Variants in CHST11 observed in about 807,000 individuals in gnomAD.
CHST11 encodes C4S-1.
CHST11 carries 9 observed loss-of-function variants against 30.4 expected under a neutral mutation model. The observed-to-expected ratio is 0.30, with a 90% CI of 0.18 to 0.52. The LOEUF (loss-of-function observed/expected upper bound fraction) is 0.52. CHST11 is among the 20% of genes least tolerant of loss of function. The pLI, the probability that CHST11 is intolerant of heterozygous loss-of-function variation, is 0.97. For synonymous variants in CHST11, 152 were observed against 187.8 expected, an observed-to-expected ratio of 0.81 and a Z score of 1.56; for missense variants, 348 against 460.6, an observed-to-expected ratio of 0.76 and a Z score of 2.24.
At chr12:104,623,910 C>T (rs1395836822) in intron 2 of CHST11, among the ~76,000 whole-genome samples, 1 of 152,112 alleles carries the variant, frequency 6.6e-6, no homozygotes, top group African/African-American at 2.4e-5. Flanking sequence ...GTTTCTCTAG[C>T]CACGAAGCCT....
chr12:104,537,509 C>G (rs2038248122), intron 1 of CHST11, among the ~76,000 whole-genome samples: 1 of 152,186 alleles, frequency 6.6e-6, no homozygotes, highest in Non-Finnish European at 1.5e-5. Flanking sequence ...TTCACCAACC[C>G]ACACCACTCA....
intron 1 of CHST11, among the ~76,000 whole-genome samples, chr12:104,504,551 G>T (rs971088255): frequency 6.6e-6 from 1 of 152,198 alleles, no homozygotes; most frequent in African/African-American, 2.4e-5. Context: ...TAGGGAGGAG[G>T]CCTGGGGCAC....
chr12:104,563,368 A>C (rs1428347183), intron 1 of CHST11, among the ~76,000 whole-genome samples: 1 of 152,168 alleles, frequency 6.6e-6, no homozygotes, highest in Non-Finnish European at 1.5e-5. Context: ...TGCTGTGCTT[A>C]GACCGTGTCC....
chr12:104,665,979 C>G (rs1264009356), intron 2 of CHST11, among the ~76,000 whole-genome samples: 1 of 151,830 alleles, frequency 6.6e-6, no homozygotes, highest in Non-Finnish European at 1.5e-5. Context: ...GTCACCATGC[C>G]CAGCTAATGT....
At chr12:104,737,069 A>C (rs1018881116) in intron 2 of CHST11, among the ~76,000 whole-genome samples, 2 of 152,252 alleles carry the variant, frequency 1.3e-5, no homozygotes, top group Non-Finnish European at 1.5e-5. Flanking sequence ...ATTCTGCCTC[A>C]GCAATTAGCT....
intron 2 of CHST11, among the ~76,000 whole-genome samples, chr12:104,754,628 C>T (rs1411030538): frequency 6.6e-6 from 1 of 152,182 alleles, no homozygotes; most frequent in African/African-American, 2.4e-5. Flanking sequence ...AGCCCCCATT[C>T]AAAGAACTGG....
At chr12:104,710,155 G>A (rs2040074049) in intron 2 of CHST11, among the ~76,000 whole-genome samples, 1 of 152,166 alleles carries the variant, frequency 6.6e-6, no homozygotes, top group Non-Finnish European at 1.5e-5. Flanking sequence ...AGCCATGATT[G>A]CGCCACTGCA....
At chr12:104,753,435 T>C (rs549261166) in intron 2 of CHST11, among the ~76,000 whole-genome samples, 1 of 152,262 alleles carries the variant, frequency 6.6e-6, no homozygotes, top group Non-Finnish European at 1.5e-5. Context: ...CATCCTGATA[T>C]ATACTGTGCA....
chr12:104,600,771 C>T lies in CHST11; in HGVS notation c.119-1135C>T, dbSNP rs2038949812. On this transcript the variant is annotated intron_variant, in intron 1 of 2. Transcript: ENST00000303694. This position sits in a 1 kb window ranked among gnomAD's most constrained non-coding sequence, Gnocchi z 4.1. ...CTAGTTTTCCTTGTTCCACTCATGCCACTGTTGCACCTCAAACCATAAGAA... is the reference window on the plus strand; with the variant it reads ...CTAGTTTTCCTTGTTCCACTCATGCTACTGTTGCACCTCAAACCATAAGAA... Among the ~76,000 whole-genome samples, 1 of 152,160 alleles carries T rather than the reference C, an allele frequency of 6.6e-6. No homozygotes were observed. Among genetic ancestry groups the T allele is most frequent in the Non-Finnish European group, 1.5e-5 (1 of 68,032 alleles).
At chr12:104,667,288 C>G (rs769312212) in intron 2 of CHST11, among the ~76,000 whole-genome samples, 43 of 152,066 alleles carry the variant, frequency 2.8e-4, no homozygotes, top group Non-Finnish European at 6.2e-4. Flanking sequence ...TGTCCTTATT[C>G]CCCCACCACG....
intron 1 of CHST11, among the ~76,000 whole-genome samples, chr12:104,475,689 T>TATATATATATATAA (rs1232136682): frequency 1.5e-4 from 12 of 77,558 alleles, no homozygotes; most frequent in African/African-American, 3.9e-4. Flanking sequence ...TATATATATA[T>TATATATATATATAA]ATTTCTGATT....
At chr12:104,569,698 A>T (rs1533085) in intron 1 of CHST11, among the ~76,000 whole-genome samples, 36,009 of 152,034 alleles carry the variant, frequency 0.24, 4,733 homozygotes, top group East Asian at 0.52. Flanking sequence ...TTCAGGCTGC[A>T]CCTTCTCCAT....
intron 1 of CHST11, among the ~76,000 whole-genome samples, chr12:104,554,165 T>C (rs927335515): frequency 6.6e-6 from 1 of 152,182 alleles, no homozygotes. Context: ...TTCTATTATT[T>C]AGAAGCAAGT....
At chr12:104,636,102 A>G (rs1477514177) in intron 2 of CHST11, among the ~76,000 whole-genome samples, 14 of 152,278 alleles carry the variant, frequency 9.2e-5, no homozygotes, top group Admixed American at 1.3e-4. Flanking sequence ...AGATGTGGCT[A>G]TTGAGGCCTG....
chr12:104,743,054 G>A lies in CHST11; in HGVS notation c.205-13895G>A, dbSNP rs77768308. Among the ~76,000 whole-genome samples, 93 of 152,340 alleles carry A rather than the reference G, an allele frequency of 6.1e-4. 2 individuals carry two copies. The East Asian group carries it at 0.017, about 28-fold the overall frequency. Reference sequence around the variant, plus strand: ...GGCCTCATTGGCCGTCTTGTGACCCGAACAATCCCTGCTGTCCCAAAGTCA... The same window carrying A: ...GGCCTCATTGGCCGTCTTGTGACCCAAACAATCCCTGCTGTCCCAAAGTCA... On this transcript the variant is annotated intron_variant, in intron 2 of 2. Transcript: ENST00000303694.
intron 1 of CHST11, among the ~76,000 whole-genome samples, chr12:104,526,646 G>T (rs1009239164): frequency 6.6e-6 from 1 of 152,216 alleles, no homozygotes; most frequent in African/African-American, 2.4e-5. Flanking sequence ...CTGAAGAGTT[G>T]ATTCTCAGGC....
intron 2 of CHST11, among the ~76,000 whole-genome samples, chr12:104,723,158 G>A (rs2040191704): frequency 6.6e-6 from 1 of 152,184 alleles, no homozygotes; most frequent in Non-Finnish European, 1.5e-5. Context: ...GCAGTCAGCA[G>A]TATTAACAAC....
intron 1 of CHST11, among the ~76,000 whole-genome samples, chr12:104,592,309 A>G (rs1296014325): frequency 6.6e-6 from 1 of 152,074 alleles, no homozygotes; most frequent in Admixed American, 6.6e-5. Context: ...TGGCTTATAC[A>G]CAACAGAAAT....
chr12:104,546,376 G>A (rs1184330439), intron 1 of CHST11, among the ~76,000 whole-genome samples: 1 of 151,628 alleles, frequency 6.6e-6, no homozygotes, highest in African/African-American at 2.4e-5. Flanking sequence ...GCTGAGGCAG[G>A]AGAATCGCTT....
Sources: gnomAD v4.1 joint callset for allele counts (sites outside exome capture counted in the v4.1 genomes callset) on GRCh38, gnomAD v4.1.1 for gene constraint, Gnocchi (gnomAD v3.1) non-coding constraint, MANE v1.5 for transcripts, NCBI Gene and HGNC (gene_info 2026-07-23, HGNC 2026-07-21) for gene names.